Variants in DAP3 observed in about 807,000 individuals in gnomAD.
DAP3 encodes the protein small ribosomal subunit protein mS29.
In DAP3, 28 loss-of-function variants were observed where a neutral mutation model predicts 51.9. The ratio of observed to expected loss-of-function variants is 0.54; its 90% CI spans 0.40 to 0.74. The LOEUF is 0.74. Ranked by LOEUF, DAP3 falls within the 30% of genes least tolerant of loss-of-function variation. The probability of loss-of-function intolerance (pLI) is 0.00; values close to 1 mark genes in which losing one functional copy is unlikely to be tolerated. For synonymous variants in DAP3, 170 were observed against 170.3 expected, an observed-to-expected ratio of 1.00 and a Z score of 0.01; for missense variants, 458 against 483.5, an observed-to-expected ratio of 0.95 and a Z score of 0.49.
chr1:155,720,834 C>A (rs1189483290), intron 3 of DAP3, among the ~76,000 whole-genome samples: 1 of 151,804 alleles, frequency 6.6e-6, no homozygotes, highest in East Asian at 1.9e-4. Flanking sequence ...GTCAAGAGAT[C>A]AAGACCATCC....
intron 2 of DAP3, among the ~76,000 whole-genome samples, chr1:155,715,690 C>T (rs1382856740): frequency 2.6e-5 from 4 of 152,164 alleles, no homozygotes; most frequent in Non-Finnish European, 2.9e-5. Context: ...CCTCATAACA[C>T]ATCTTTTCAC....
intron 1 of DAP3, among the ~76,000 whole-genome samples, chr1:155,698,005 A>G (rs1654745391): frequency 6.6e-6 from 1 of 152,224 alleles, no homozygotes; most frequent in African/African-American, 2.4e-5. Context: ...AAAGAAGAGA[A>G]ATATGACTCT....
chr1:155,718,741 TAG>T (rs1417473251), intron 3 of DAP3, among the ~76,000 whole-genome samples: 3 of 144,644 alleles, frequency 2.1e-5, no homozygotes, highest in Non-Finnish European at 3.1e-5. Flanking sequence ...GATAGATAGA[TAG>T]ATAGATATAG....
chr1:155,730,353 C>G (rs1243118202), intron 9 of DAP3, among the ~76,000 whole-genome samples: 1 of 150,932 alleles, frequency 6.6e-6, no homozygotes, highest in African/African-American at 2.5e-5. Context: ...CTGATAAATC[C>G]CAGCACTTTT....
chr1:155,724,057 T>A (rs997394678), intron 4 of DAP3, among the ~76,000 whole-genome samples: 1 of 150,724 alleles, frequency 6.6e-6, no homozygotes, highest in Non-Finnish European at 1.5e-5. Context: ...AAAAAAAAAA[T>A]TAACACTATT....
intron 11 of DAP3, among the ~76,000 whole-genome samples, chr1:155,732,709 C>G (rs1380428714): frequency 1.3e-5 from 2 of 152,032 alleles, no homozygotes; most frequent in African/African-American, 4.8e-5. Context: ...AAATAAATCC[C>G]AGATAATGTG....
rs946477699 is a variant in DAP3 at position 155,693,260 on chromosome 1, A to G, written c.-8+4086A>G. ...CGAATATCAATATTTCCGACCATCA[A>G]CATAAAAGGAGGCTTGACACAGCTC... is the stretch of plus-strand genomic sequence containing the variant. On this transcript the variant is annotated intron_variant, in intron 1 of 12. Coordinates refer to ENST00000368336, the MANE Select transcript of DAP3 (RefSeq NM_004632.4). Among the ~76,000 whole-genome samples, 30 of 141,910 alleles carry G rather than the reference A, an allele frequency of 2.1e-4. 10 individuals are homozygous for G. The highest frequency in any genetic ancestry group is 9.2e-4 in the African/African-American group (29 of 31,376). The allele number at this position is 141,910 out of a possible 152,430, so 93.1% of individuals were successfully genotyped here.
chr1:155,688,217 G>A, upstream of DAP3: 3 of 1,613,724 alleles, frequency 1.9e-6, no homozygotes, highest in Non-Finnish European at 2.5e-6. Context: ...GGAAATGCGA[G>A]AGAGGAGAAG....
intron 1 of DAP3, among the ~76,000 whole-genome samples, chr1:155,707,163 C>G (rs1656096233): frequency 1.3e-5 from 2 of 151,702 alleles, no homozygotes; most frequent in Non-Finnish European, 1.5e-5. Context: ...CCTGTAATCC[C>G]AGCACTTTGG....
At chr1:155,700,744 G>C (rs1175093089) in intron 1 of DAP3, among the ~76,000 whole-genome samples, 1 of 140,514 alleles carries the variant, frequency 7.1e-6, no homozygotes, top group South Asian at 2.3e-4. Flanking sequence ...GGAGGGAGGT[G>C]GGGGGGTCAG....
In DAP3 at chr1:155,727,747, A is replaced by C; in HGVS notation, c.603+9A>C. 6.2e-7 allele frequency: 1 copy of C among 1,613,020 alleles called. No individual in the cohort carries two copies. Among genetic ancestry groups the C allele is most frequent in the Non-Finnish European group, 8.5e-7 (1 of 1,179,468 alleles). On this transcript the variant is annotated intron_variant, in intron 7 of 12. Coordinates refer to ENST00000368336, the MANE Select transcript of DAP3 (RefSeq NM_004632.4). ...AGCGCTTCCTGAACCAGGTGACTAG[A>C]CTCCCAGAAGTTGAGTGCTAGGTAG...
At chr1:155,688,328 C>G (rs1412972364), upstream of DAP3, 4 of 1,548,904 alleles carry the variant, frequency 2.6e-6, no homozygotes, top group Non-Finnish European at 3.5e-6. Context: ...ATGGCGGCGG[C>G]AGCGGCGGCA....
chr1:155,714,522 TG>T (rs1352472827), intron 2 of DAP3, among the ~76,000 whole-genome samples: 1 of 152,200 alleles, frequency 6.6e-6, no homozygotes, highest in Non-Finnish European at 1.5e-5. Context: ...CCCAGCACTT[TG>T]GGAGGCTAAG....
intron 2 of DAP3, 123 bp from the exon 3 acceptor site, chr1:155,716,883 G>T: frequency 7.4e-7 from 1 of 1,355,356 alleles, no homozygotes; most frequent in Non-Finnish European, 9.9e-7. Context: ...GAAGGCGGAG[G>T]TTGTAGTGAG....
chr1:155,719,485 C>T (rs1383808515), intron 3 of DAP3, among the ~76,000 whole-genome samples: 1 of 151,570 alleles, frequency 6.6e-6, no homozygotes, highest in Admixed American at 6.6e-5. Flanking sequence ...ATCCGCTCAC[C>T]TTGGCCTCCT....
intron 2 of DAP3, among the ~76,000 whole-genome samples, chr1:155,712,913 G>A (rs972803817): frequency 3.3e-5 from 5 of 152,144 alleles, no homozygotes; most frequent in Non-Finnish European, 7.4e-5. Flanking sequence ...AGATAAAATT[G>A]AGTAGCGTTT....
chr1:155,724,656 C>T (rs760004470), intron 4 of DAP3, among the ~76,000 whole-genome samples: 82 of 134,992 alleles, frequency 6.1e-4, no homozygotes, highest in Non-Finnish European at 1.1e-3. Flanking sequence ...AAAAAAAAAT[C>T]AACTAAAAAT....
chr1:155,725,660 C>G (rs1282956766), intron 5 of DAP3, among the ~76,000 whole-genome samples, 170 bp downstream of exon 5: 1 of 152,136 alleles, frequency 6.6e-6, no homozygotes, highest in African/African-American at 2.4e-5. Flanking sequence ...GTCAGGAGTT[C>G]AAGACCTGCC....
At position 155,717,044 on chromosome 1, in the gene DAP3, T is replaced by A; in HGVS notation, c.84T>A (p.Ala28=). ...GTTTTTTACACATGGGGACCCAGGC[T>A]CGCCAAAGCATTGCTGCTCACCTAG... ...PGRFLHMGTQ[A]RQSIAAHLDN... is the part of the protein sequence containing the mutation. The change falls in exon 3 of 13, where the codon GCT becomes GCA. Residue 28 remains alanine (A), a synonymous_variant. Transcript: ENST00000368336. 1 of 1,613,934 alleles carries A rather than the reference T, an allele frequency of 6.2e-7. No individual in the cohort carries two copies. The highest frequency in any genetic ancestry group is 1.7e-5 in the Admixed American group (1 of 59,964).
Sources: allele counts gnomAD v4.1 joint callset (sites outside exome capture counted in the v4.1 genomes callset), GRCh38; gene constraint gnomAD v4.1.1; transcripts MANE v1.5; gene names NCBI Gene and HGNC (gene_info 2026-07-23, HGNC 2026-07-21).